Variants in SERINC5 observed in about 807,000 individuals in gnomAD.
The protein encoded by SERINC5 is serine incorporator 5.
A neutral mutation model predicts 63.1 loss-of-function variants in SERINC5; 41 were observed. The ratio of observed to expected loss-of-function variants is 0.65; its 90% CI spans 0.51 to 0.84. The LOEUF is 0.84. Among genes scored for constraint, SERINC5 ranks in the 40% least tolerant of loss-of-function variants. SERINC5 has a pLI of 0.00. For synonymous variants in SERINC5, 222 were observed against 215.2 expected (o/e 1.03, Z -0.28); for missense variants, 523 against 573.0 (o/e 0.91, Z 0.89).
rs1745621901 is a variant in SERINC5, at chr5:80,143,306, G to A, written c.*357C>T. On this transcript the variant is annotated 3_prime_UTR_variant, in exon 12 of 12. Coordinates refer to ENST00000507668, the MANE Select transcript of SERINC5 (RefSeq NM_001174072.3). ...TGGCATGTTTTTCTATTCCGAGGAT[G>A]AGAATGACTGGCCCCACAAGATATT... The A allele has an allele frequency of 4.9e-6, 5 of 1,014,180 alleles. No homozygotes were observed. In the South Asian group the frequency reaches 2.1e-4, roughly 43 times the overall value. 62.8% of individuals were successfully genotyped at this position (1,014,180 alleles called of 1,614,324 possible). A position where few individuals can be genotyped will look rare whatever the true frequency, so the allele number is the denominator to read the frequency against.
chr5:80,248,251 A>G (rs755466077), intron 1 of SERINC5, among the ~76,000 whole-genome samples: 5 of 152,128 alleles, frequency 3.3e-5, no homozygotes, highest in Non-Finnish European at 7.4e-5. Flanking sequence ...CAACATCACT[A>G]CTCTTGCGCT....
intron 8 of SERINC5, 61 bp downstream of exon 8, chr5:80,158,775 A>C: frequency 6.5e-7 from 1 of 1,540,378 alleles, no homozygotes; most frequent in Non-Finnish European, 8.9e-7. Flanking sequence ...AAGTTATTTC[A>C]ATTCTTTTCC....
intron 11 of SERINC5, among the ~76,000 whole-genome samples, chr5:80,145,109 G>A (rs1745733556): frequency 1.3e-5 from 2 of 152,020 alleles, no homozygotes; most frequent in South Asian, 2.1e-4. Context: ...GGGAGGCTGA[G>A]GCAGGTGGAT....
In SERINC5 at chr5:80,142,238, G is replaced by GA. The variant is rs76995930; in HGVS notation, c.*1424dup. On this transcript the variant is annotated 3_prime_UTR_variant, in exon 12 of 12. Coordinates refer to ENST00000507668, the MANE Select transcript of SERINC5 (RefSeq NM_001174072.3). ...ATAGGCATCATCTTGGGTAGCTGCCGAAAGTCACGTTTCTGTATTACTTTG... is the reference window on the plus strand; with the variant it reads ...ATAGGCATCATCTTGGGTAGCTGCCGAAAAGTCACGTTTCTGTATTACTTTG... The GA allele has an allele frequency of 0.11, 106,459 of 985,232 alleles. 6,139 individuals are homozygous for GA. Among genetic ancestry groups the GA allele is most frequent in the East Asian group, 0.25 (2,187 of 8,806 alleles). 61.0% of individuals were successfully genotyped at this position (985,232 alleles called of 1,614,324 possible). A position where few individuals can be genotyped will look rare whatever the true frequency, so the allele number is the denominator to read the frequency against.
At chr5:80,127,280 A>C (rs1302151248) in intron 11 of SERINC5, among the ~76,000 whole-genome samples, 1 of 152,160 alleles carries the variant, frequency 6.6e-6, no homozygotes, top group East Asian at 1.9e-4. Context: ...GCTTTGACCA[A>C]TGCAATGATA....
At chr5:80,206,836 A>AAAAAAAAAAAAAAAAG (rs1750191472) in intron 1 of SERINC5, among the ~76,000 whole-genome samples, 1 of 124,426 alleles carries the variant, frequency 8.0e-6, no homozygotes. Context: ...TTTTTAAGAG[A>AAAAAAAAAAAAAAAAG]CAGAGTTTCA....
intron 1 of SERINC5, among the ~76,000 whole-genome samples, chr5:80,236,057 C>A (rs1006436108): frequency 6.6e-6 from 1 of 152,098 alleles, no homozygotes; most frequent in Non-Finnish European, 1.5e-5. Flanking sequence ...AATACTGGAT[C>A]TACACATTAC....
rs1182662594 is a variant in SERINC5 at position 80,178,537 on chromosome 5, A to ATTTTTTTTTT, written c.196-483_196-474dup. Among the ~76,000 whole-genome samples the ATTTTTTTTTT allele has an allele frequency of 4.5e-4, 35 of 77,560 alleles. 1 individual carries two copies. The highest frequency in any genetic ancestry group is 1.2e-3 in the East Asian group (3 of 2,482). The allele number at this position is 77,560 out of a possible 152,430, so 50.9% of individuals were successfully genotyped here. A position where few individuals can be genotyped will look rare whatever the true frequency, so the allele number is the denominator to read the frequency against. ...ACCACCATGCCCAGCTAATTTTTGT[A>ATTTTTTTTTT]TTTTTTTTTTTTTTTTTTTTTTTGT... On this transcript the variant is annotated intron_variant, in intron 2 of 11. Transcript: ENST00000507668.
At chr5:80,179,578 C>T (rs1020383154) in intron 2 of SERINC5, among the ~76,000 whole-genome samples, 1 of 152,150 alleles carries the variant, frequency 6.6e-6, no homozygotes, top group Admixed American at 6.6e-5. Context: ...GACACCTGAG[C>T]TAGAAATGGA....
At position 80,142,167 on chromosome 5, in the gene SERINC5, T is replaced by C. The variant is rs1230271643; in HGVS notation, c.*1496A>G. ...CCCGAATGAAATTCTAACAGGAGTTTCCACCAAGTAAACCTTTTCCCTGCC... is the reference window on the plus strand; with the variant it reads ...CCCGAATGAAATTCTAACAGGAGTTCCCACCAAGTAAACCTTTTCCCTGCC... On this transcript the variant is annotated 3_prime_UTR_variant, in exon 12 of 12. Transcript: ENST00000507668. 1.0e-6 allele frequency: 1 copy of C among 985,284 alleles called. No homozygotes were observed. Among genetic ancestry groups the C allele is most frequent in the Admixed American group, 6.2e-5 (1 of 16,258 alleles). 61.0% of individuals were successfully genotyped at this position (985,284 alleles called of 1,614,324 possible). A position where few individuals can be genotyped will look rare whatever the true frequency, so the allele number is the denominator to read the frequency against.
intron 4 of SERINC5, 144 bp from the exon 5 acceptor site, chr5:80,175,191 T>C (rs1747950644): frequency 1.7e-6 from 1 of 579,134 alleles, no homozygotes; most frequent in South Asian, 2.4e-5. Context: ...ATTACTATTA[T>C]AAATGTCACT....
chr5:80,255,989 C>G lies in SERINC5; in HGVS notation c.-67G>C. The G allele has an allele frequency of 7.0e-7, 1 of 1,424,456 alleles. No homozygotes were observed. The highest frequency in any genetic ancestry group is 1.5e-5 in the African/African-American group (1 of 66,994). The allele number at this position is 1,424,456 out of a possible 1,614,324, so 88.2% of individuals were successfully genotyped here. On this transcript the variant is annotated 5_prime_UTR_variant, in exon 1 of 12. Transcript: ENST00000507668. ...GCCGCACGGGCCCTCCTGGCTGCCT[C>G]GCGCCTCGAGCGCTGGGCTCAGCCG...
intron 1 of SERINC5, among the ~76,000 whole-genome samples, chr5:80,239,982 G>T (rs1454502515): frequency 3.9e-5 from 6 of 152,152 alleles, no homozygotes; most frequent in African/African-American, 1.4e-4. Context: ...CAGGAGCAAG[G>T]CTTGGTCAGC....
At chr5:80,234,537 G>A (rs977394844) in intron 1 of SERINC5, among the ~76,000 whole-genome samples, 2 of 152,124 alleles carry the variant, frequency 1.3e-5, no homozygotes, top group Non-Finnish European at 2.9e-5. Context: ...ACAAAGGGCA[G>A]GGATGATATC....
chr5:80,158,726 TC>T, intron 8 of SERINC5, 109 bp downstream of exon 8: 1 of 1,021,604 alleles, frequency 9.8e-7, no homozygotes, highest in Non-Finnish European at 1.4e-6. Flanking sequence ...GTGGTTATTT[TC>T]CCCCCTCCTC....
intron 2 of SERINC5, among the ~76,000 whole-genome samples, chr5:80,191,990 T>A (rs1001280617): frequency 2.0e-5 from 3 of 152,114 alleles, no homozygotes; most frequent in African/African-American, 7.2e-5. Flanking sequence ...CGACAGCCAG[T>A]GGGTCAAATC....
intron 7 of SERINC5, 104 bp downstream of exon 7, chr5:80,166,279 G>C: frequency 1.3e-6 from 1 of 791,352 alleles, no homozygotes; most frequent in Non-Finnish European, 2.1e-6. Context: ...CCATCTTTCT[G>C]CTCTCTATCT....
intron 3 of SERINC5, among the ~76,000 whole-genome samples, 171 bp downstream of exon 3, chr5:80,177,715 T>A (rs1022100433): frequency 6.6e-6 from 1 of 152,266 alleles, no homozygotes; most frequent in Non-Finnish European, 1.5e-5. Flanking sequence ...CAAATAAGAT[T>A]CTACCTTTGA....
chr5:80,189,115 A>T (rs1232971836), intron 2 of SERINC5, among the ~76,000 whole-genome samples: 2 of 152,196 alleles, frequency 1.3e-5, no homozygotes, highest in Non-Finnish European at 2.9e-5. Context: ...CAGAAGCTAA[A>T]GTCAGCTTTA....
Sources: gnomAD v4.1 joint callset for allele counts (sites outside exome capture counted in the v4.1 genomes callset) on GRCh38, gnomAD v4.1.1 for gene constraint, MANE v1.5 for transcripts, NCBI Gene and HGNC (gene_info 2026-07-23, HGNC 2026-07-21) for gene names.